The following GCLC variants were observed in gnomAD, a reference collection of about 807,000 sequenced individuals.
GCLC encodes glutamate-cysteine ligase catalytic subunit.
GCLC carries 30 observed loss-of-function variants against 81.5 expected under a neutral mutation model. The ratio of observed to expected loss-of-function variants is 0.37; its 90% CI spans 0.28 to 0.50. The LOEUF (loss-of-function observed/expected upper bound fraction) is 0.50, where lower values mean the gene tolerates loss of function less well. Ranked by LOEUF, GCLC falls within the 20% of genes least tolerant of loss-of-function variation. The pLI, the probability that GCLC is intolerant of heterozygous loss-of-function variation, is 0.96. For synonymous variants in GCLC, 262 were observed against 273.3 expected (o/e 0.96, Z 0.41); for missense variants, 556 against 777.4 (o/e 0.72, Z 3.39).
chr6:53,540,954 C>T (rs1186248877), intron 1 of GCLC, among the ~76,000 whole-genome samples: 1 of 152,178 alleles, frequency 6.6e-6, no homozygotes, highest in African/African-American at 2.4e-5. Flanking sequence ...CTGGCTCATG[C>T]CTGTAATCCC....
At chr6:53,516,699 A>T (rs1288622646) in intron 3 of GCLC, among the ~76,000 whole-genome samples, 1 of 152,144 alleles carries the variant, frequency 6.6e-6, no homozygotes, top group African/African-American at 2.4e-5. Flanking sequence ...TGAATCTGGA[A>T]GGAGCCTGTT....
At position 53,506,588 on chromosome 6, in the gene GCLC, C is replaced by G. The variant is rs78559106; in HGVS notation, c.1197+325G>C. ...TGTCTGAAGCACTGAAATAACTGAT[C>G]AGGTTATTTTTTGTGCAGTGTATGT... On this transcript the variant is annotated intron_variant, in intron 10 of 15. Coordinates refer to ENST00000650454, the MANE Select transcript of GCLC (RefSeq NM_001498.4). This position sits in a 1 kb window ranked among gnomAD's most constrained non-coding sequence, Gnocchi z 4.0. 6.6e-6 allele frequency among the ~76,000 whole-genome samples: 1 copy of G among 151,532 alleles called. No homozygotes were observed. Among genetic ancestry groups the G allele is most frequent in the Non-Finnish European group, 1.5e-5 (1 of 67,926 alleles).
At position 53,500,173 on chromosome 6, in the gene GCLC, A is replaced by C; in HGVS notation, c.1582-8T>G. Reference sequence around the variant, plus strand: ...TCCAGGAAACACACCTTCCTACAAGAAGCAGGACACTTTATGAACTCCCTG... The same window carrying C: ...TCCAGGAAACACACCTTCCTACAAGCAGCAGGACACTTTATGAACTCCCTG... On this transcript the variant is annotated splice_polypyrimidine_tract_variant and splice_region_variant and intron_variant, in intron 14 of 15. Transcript: ENST00000650454. 6.2e-7 allele frequency: 1 copy of C among 1,614,024 alleles called. No homozygotes were observed. Among genetic ancestry groups the C allele is most frequent in the Non-Finnish European group, 8.5e-7 (1 of 1,179,880 alleles).
At position 53,544,523 on chromosome 6, in the gene GCLC, G is replaced by C; in HGVS notation, c.123C>G (p.His41Gln). The C allele has an allele frequency of 2.5e-6, 4 of 1,609,184 alleles. No individual in the cohort carries two copies. In the South Asian group the frequency reaches 4.4e-5, roughly 18 times the overall value. Residue 41 changes from histidine (H) to glutamine (Q), a missense_variant, in exon 1 of 16, where the codon CAC (histidine) becomes CAG (glutamine). His to Gln is a conservative substitution (Grantham distance 24). Transcript: ENST00000650454. Reference protein sequence around the residue: ...LHIYHAVKDRHKDVLKWGDEV... With the variant: ...LHIYHAVKDRQKDVLKWGDEV... ...CATCGCCCCACTTGAGAACGTCCTT[G>C]TGCCGGTCCTTGACGGCGTGGTAGA... is the stretch of plus-strand genomic sequence containing the variant.
chr6:53,529,492 T>C lies in GCLC; in HGVS notation c.151-6965A>G, dbSNP rs539020177. 2.0e-5 allele frequency among the ~76,000 whole-genome samples: 3 copies of C among 152,326 alleles called. No homozygotes were observed. In the East Asian group the frequency reaches 5.8e-4, roughly 29 times the overall value. On this transcript the variant is annotated intron_variant, in intron 1 of 15. Transcript: ENST00000650454. ...ACCTCAGAAAAGACAGCACATCAAG[T>C]TGCCAATGGGGATGTCTGCTTATGG...
chr6:53,514,595 C>T (rs1386367345), intron 4 of GCLC, 98 bp from the exon 5 acceptor site: 3 of 874,874 alleles, frequency 3.4e-6, no homozygotes, highest in African/African-American at 1.7e-5. Flanking sequence ...GAAATCATAC[C>T]TCAAATTAGT....
rs776671979 is a variant in GCLC, at chr6:53,514,243, C to T, written c.714G>A (p.Met238Ile). The T allele has an allele frequency of 2.5e-6, 4 of 1,613,744 alleles. No homozygotes were observed. Among genetic ancestry groups the T allele is most frequent in the Non-Finnish European group, 3.4e-6 (4 of 1,179,764 alleles). Reference sequence around the variant, plus strand: ...TGCCCATTCCAAATCCCATGGCATCCATGTAAATATGATCCGGCTTAGAAG... The same window carrying T: ...TGCCCATTCCAAATCCCATGGCATCTATGTAAATATGATCCGGCTTAGAAG... The part of the protein sequence containing the change: ...SRASKPDHIY[M>I]DAMGFGMGNC... The change falls in exon 6 of 16, where the codon ATG becomes ATA. Residue 238 changes from methionine to isoleucine, a missense_variant. By Grantham distance (10) the Met-to-Ile change is conservative (BLOSUM62 1). Transcript: ENST00000650454.
In GCLC at chr6:53,498,761, T is replaced by C. The variant is rs533216367; in HGVS notation, c.1909A>G (p.Asn637Asp). 1.9e-5 allele frequency: 30 copies of C among 1,592,288 alleles called. 2 individuals carry two copies. In the South Asian group the frequency reaches 3.3e-4, roughly 18 times the overall value. Residue 637 changes from asparagine to aspartate, a missense_variant, in exon 16 of 16, where the codon AAC (asparagine) becomes GAC (aspartate). This residue lies in a region of GCLC where 313 missense variants were observed against 437.3 expected (regional missense o/e 0.72). Coordinates refer to ENST00000650454, the MANE Select transcript of GCLC (RefSeq NM_001498.4). ...TTTTTCTTTCTGTAGAATGTCTAGT[T>C]GGATGAGTCAGTTTTACTTCCACTA... is the stretch of plus-strand genomic sequence containing the variant. Reference protein sequence around the residue: ...KYSGSKTDSSN With the variant: ...KYSGSKTDSSD
chr6:53,538,752 C>T (rs1763301903), intron 1 of GCLC, among the ~76,000 whole-genome samples: 1 of 152,202 alleles, frequency 6.6e-6, no homozygotes, highest in South Asian at 2.1e-4. Context: ...GCATTTTCCT[C>T]TCAAAGTTCA....
intron 1 of GCLC, among the ~76,000 whole-genome samples, chr6:53,544,181 T>C (rs1179110282): frequency 6.6e-6 from 1 of 152,178 alleles, no homozygotes; most frequent in East Asian, 1.9e-4. Context: ...GCAGATACAC[T>C]AGGTTGAAGA....
chr6:53,516,274 T>G (rs1581736829), intron 3 of GCLC, 52 bp from the exon 4 acceptor site: 1 of 1,183,500 alleles, frequency 8.4e-7, no homozygotes, highest in Non-Finnish European at 1.3e-6. Flanking sequence ...AAGAATTAAT[T>G]GTGTGCAGTC....
At chr6:53,542,273 G>A (rs1340814898) in intron 1 of GCLC, among the ~76,000 whole-genome samples, 1 of 152,074 alleles carries the variant, frequency 6.6e-6, no homozygotes, top group Non-Finnish European at 1.5e-5. Context: ...CTTTATAGAT[G>A]CATAATACAA....
At chr6:53,503,466 A>C (rs932002365) in intron 12 of GCLC, 1 of 152,244 alleles carries the variant, frequency 6.6e-6, no homozygotes, top group African/African-American at 2.4e-5. Context: ...TTTTGTTAGA[A>C]TCACCTGAAA....
At chr6:53,511,206 G>C (rs1160361676) in intron 6 of GCLC, among the ~76,000 whole-genome samples, 2 of 147,408 alleles carry the variant, frequency 1.4e-5, no homozygotes, top group African/African-American at 4.9e-5. Flanking sequence ...AAAAGTGGGG[G>C]GGGGGTGCTA....
intron 6 of GCLC, chr6:53,513,356 T>C (rs1453463607): frequency 2.0e-5 from 3 of 152,342 alleles, no homozygotes; most frequent in Admixed American, 2.0e-4. Flanking sequence ...TAATCACAAC[T>C]GGATAAAATT....
Position 53,544,770 on chromosome 6 carries a change from G to T in GCLC, c.-125C>A. On this transcript the variant is annotated 5_prime_UTR_variant, in exon 1 of 16. Transcript: ENST00000650454. Reference sequence around the variant, plus strand: ...CTCCACCCCGCGGGGGCGCTCTCGGGCCGCAGTCGGCGGAGGGAGGGTCCT... The same window carrying T: ...CTCCACCCCGCGGGGGCGCTCTCGGTCCGCAGTCGGCGGAGGGAGGGTCCT... 1 of 943,440 alleles carries T rather than the reference G, an allele frequency of 1.1e-6. No homozygotes were observed. Among genetic ancestry groups the T allele is most frequent in the Non-Finnish European group, 1.5e-6 (1 of 665,020 alleles). 58.4% of individuals were successfully genotyped at this position (943,440 alleles called of 1,614,324 possible).
Position 53,505,904 on chromosome 6 carries a change from C to T in GCLC, c.1198-9G>A. ...TTTGTGGACTGAATATTCTGTGATA[C>T]AAAAGCAGAGAAGAAAACCAACTTT... On this transcript the variant is annotated splice_polypyrimidine_tract_variant and intron_variant, in intron 10 of 15. Transcript: ENST00000650454. 2 of 1,568,716 alleles carry T rather than the reference C, an allele frequency of 1.3e-6. No homozygotes were observed. The highest frequency in any genetic ancestry group is 1.8e-6 in the Non-Finnish European group (2 of 1,138,776).
Position 53,526,667 on chromosome 6 carries a change from G to A in GCLC, c.151-4140C>T, listed in dbSNP as rs185121607. Reference sequence around the variant, plus strand: ...CAAAAAATTAGCTAGGCATGCTGGCGGGCGCCTGTAGTCCCAGCTACTAAG... The same window carrying A: ...CAAAAAATTAGCTAGGCATGCTGGCAGGCGCCTGTAGTCCCAGCTACTAAG... On this transcript the variant is annotated intron_variant, in intron 1 of 15. Coordinates refer to ENST00000650454, the MANE Select transcript of GCLC (RefSeq NM_001498.4). Among the ~76,000 whole-genome samples the A allele has an allele frequency of 5.4e-3, 820 of 151,972 alleles. 8 individuals carry two copies. The highest frequency in any genetic ancestry group is 6.2e-3 in the Non-Finnish European group (418 of 67,932).
rs547658418 is a variant in GCLC, at chr6:53,530,243, C to T, written c.151-7716G>A. ...GACCTCCAAGTTTAATGCCATTCCA[C>T]CATCATACGAATCTGAGTGCAGACA... On this transcript the variant is annotated intron_variant, in intron 1 of 15. Transcript: ENST00000650454. 1.2e-4 allele frequency among the ~76,000 whole-genome samples: 19 copies of T among 152,282 alleles called. No individual in the cohort carries two copies. The South Asian group carries it at 3.5e-3, about 28-fold the overall frequency.
Sources: gnomAD v4.1 joint callset for allele counts (sites outside exome capture counted in the v4.1 genomes callset) on GRCh38, gnomAD v4.1.1 for gene constraint, gnomAD v4.1.1 regional missense constraint, Gnocchi (gnomAD v3.1) non-coding constraint, MANE v1.5 for transcripts, NCBI Gene and HGNC (gene_info 2026-07-23, HGNC 2026-07-21) for gene names.